The following IRX4 variants were observed in gnomAD, a reference collection of about 807,000 sequenced individuals.
IRX4 encodes the protein iroquois-class homeodomain protein IRX-4.
Under a neutral mutation model 32.0 loss-of-function variants are expected in IRX4, and 22 were observed. The observed-to-expected ratio is 0.69, with a 90% CI of 0.49 to 0.98. IRX4 has a LOEUF of 0.98. IRX4 is among the 50% of genes least tolerant of loss of function. The probability of loss-of-function intolerance (pLI) is 0.00; values close to 1 mark genes in which losing one functional copy is unlikely to be tolerated. For synonymous variants in IRX4, 379 were observed against 351.7 expected, an observed-to-expected ratio of 1.08 and a Z score of -0.87; for missense variants, 840 against 744.2, an observed-to-expected ratio of 1.13 and a Z score of -1.50.
chr5:1,886,803 G>A (rs1273376257), upstream of IRX4: 1 of 151,982 alleles, frequency 6.6e-6, no homozygotes, highest in Non-Finnish European at 1.5e-5. Context: ...AGCAAACTTT[G>A]TCCCCTTAAG....
At chr5:1,878,892 G>A (rs1256371489) in intron 4 of IRX4, 100 bp from the exon 5 acceptor site, 25 of 1,275,148 alleles carry the variant, frequency 2.0e-5, no homozygotes, top group Admixed American at 8.8e-5. Context: ...CCGACGCTAC[G>A]AAAAGCACTC....
At position 1,877,740 on chromosome 5, in the gene IRX4, T is replaced by TC; in HGVS notation, c.*228dup. ...TGCTCCGAGAGCCTCTCCTTCCGCG[T>TC]CCCAAATTTGGGAATGGCCCGGTCA... On this transcript the variant is annotated 3_prime_UTR_variant, in exon 5 of 5. Transcript: ENST00000231357. 1 of 527,258 alleles carries TC rather than the reference T, an allele frequency of 1.9e-6. No homozygotes were observed. Among genetic ancestry groups the TC allele is most frequent in the Non-Finnish European group, 3.3e-6 (1 of 303,286 alleles). The allele number at this position is 527,258 out of a possible 1,614,324, so 32.7% of individuals were successfully genotyped here.
At position 1,877,846 on chromosome 5, in the gene IRX4, C is replaced by T; in HGVS notation, c.*123G>A. On this transcript the variant is annotated 3_prime_UTR_variant, in exon 5 of 5. Transcript: ENST00000231357. Reference sequence around the variant, plus strand: ...TCCCAGGAGTCCAAGTTCAGAAGCCCCCTCTCCGGTGGGTTGGCGGCTTCG... The same window carrying T: ...TCCCAGGAGTCCAAGTTCAGAAGCCTCCTCTCCGGTGGGTTGGCGGCTTCG... 1 of 892,618 alleles carries T rather than the reference C, an allele frequency of 1.1e-6. No individual in the cohort carries two copies. Among genetic ancestry groups the T allele is most frequent in the Non-Finnish European group, 1.7e-6 (1 of 603,978 alleles). 55.3% of individuals were successfully genotyped at this position (892,618 alleles called of 1,614,324 possible). A position where few individuals can be genotyped will look rare whatever the true frequency, so the allele number is the denominator to read the frequency against.
At chr5:1,881,665 G>A (rs1735444153) in intron 2 of IRX4, 143 bp downstream of exon 2, 1 of 1,031,148 alleles carries the variant, frequency 9.7e-7, no homozygotes, top group South Asian at 1.6e-5. Context: ...TCGGCTGGGA[G>A]GCGCAAAGTT....
Position 1,882,593 on chromosome 5 carries a change from C to T in IRX4, c.45+10G>A. 1 of 1,481,274 alleles carries T rather than the reference C, an allele frequency of 6.8e-7. No homozygotes were observed. The highest frequency in any genetic ancestry group is 8.9e-7 in the Non-Finnish European group (1 of 1,120,870). The allele number at this position is 1,481,274 out of a possible 1,614,324, so 91.8% of individuals were successfully genotyped here. A position where few individuals can be genotyped will look rare whatever the true frequency, so the allele number is the denominator to read the frequency against. On this transcript the variant is annotated intron_variant, in intron 1 of 4. Coordinates refer to ENST00000231357, the MANE Select transcript of IRX4 (RefSeq NM_016358.3). ...CTGCGGTGGCCTGGGCGGGGCGGGG[C>T]TCCGCTTACCTGGGGAGCCGAGGAG...
intron 3 of IRX4, chr5:1,880,280 G>A: frequency 1.4e-6 from 1 of 700,920 alleles, no homozygotes; most frequent in South Asian, 2.0e-5. Flanking sequence ...AATTTGTAGT[G>A]GTTGCATTGA....
upstream of IRX4, chr5:1,884,056 C>G (rs2111455761): frequency 6.6e-6 from 1 of 152,486 alleles, no homozygotes; most frequent in African/African-American, 2.4e-5. Context: ...AGTACCCTCC[C>G]TGGGACCTTG....
intron 3 of IRX4, chr5:1,880,176 C>T: frequency 6.6e-7 from 1 of 1,506,440 alleles, no homozygotes; most frequent in African/African-American, 1.4e-5. Flanking sequence ...ACAGGTAAGC[C>T]CACACCCTGA....
chr5:1,884,783 CA>C (rs1295635296), upstream of IRX4: 2 of 152,238 alleles, frequency 1.3e-5, no homozygotes, highest in Non-Finnish European at 2.9e-5. Flanking sequence ...ATGAATCTCT[CA>C]ACCCCTTTCC....
Position 1,878,471 on chromosome 5 carries a change from A to G in IRX4, c.1058T>C (p.Phe353Ser). Reference protein sequence around the residue: ...GPQVCEAKLGFVPAGASAGLE... With the variant: ...GPQVCEAKLGSVPAGASAGLE... Reference sequence around the variant, plus strand: ...GCCTGCCGACGCCCCCGCCGGCACAAACCCCAGCTTGGCCTCGCAGACCTG... The same window carrying G: ...GCCTGCCGACGCCCCCGCCGGCACAGACCCCAGCTTGGCCTCGCAGACCTG... The change falls in exon 5 of 5, where the codon TTT becomes TCT. Residue 353 changes from phenylalanine (F) to serine (S), a missense_variant. Phe to Ser is a radical substitution (Grantham distance 155). This residue lies in a region of IRX4 where 585 missense variants were observed against 488.0 expected (regional missense o/e 1.20). Coordinates refer to ENST00000231357, the MANE Select transcript of IRX4 (RefSeq NM_016358.3). 1 of 1,450,806 alleles carries G rather than the reference A, an allele frequency of 6.9e-7. No individual in the cohort carries two copies. The highest frequency in any genetic ancestry group is 9.0e-7 in the Non-Finnish European group (1 of 1,107,642). The allele number at this position is 1,450,806 out of a possible 1,614,324, so 89.9% of individuals were successfully genotyped here.
At chr5:1,883,756 A>T (rs1283145916), upstream of IRX4, among the ~76,000 whole-genome samples, 1 of 151,680 alleles carries the variant, frequency 6.6e-6, no homozygotes, top group African/African-American at 2.4e-5. Flanking sequence ...TTCCTCCCCG[A>T]TCCCCTTTCC....
chr5:1,880,044 G>A, intron 3 of IRX4: 1 of 1,531,060 alleles, frequency 6.5e-7, no homozygotes, highest in Non-Finnish European at 8.7e-7. Context: ...AAAGGGCAAA[G>A]ATTATATTTG....
At chr5:1,882,943 A>C (rs1000847638), upstream of IRX4, among the ~76,000 whole-genome samples, 4 of 151,658 alleles carry the variant, frequency 2.6e-5, no homozygotes, top group Admixed American at 1.3e-4. Context: ...AAAAAAAAAA[A>C]AACGAGTCGC....
chr5:1,878,289 G>A lies in IRX4; in HGVS notation c.1240C>T (p.Pro414Ser), dbSNP rs762755625. 3 of 1,589,478 alleles carry A rather than the reference G, an allele frequency of 1.9e-6. No individual in the cohort carries two copies. Among genetic ancestry groups the A allele is most frequent in the African/African-American group, 2.7e-5 (2 of 74,526 alleles). ...CCAGAGTGGGGAAGGGCCACAGACG[G>A]GGACGTGGCGGGCGCGGAGGACACA... ...AAVSSAPATS[P>S]SVALPHSGAL... The change falls in exon 5 of 5, where the codon CCG (proline) becomes TCG (serine). Residue 414 changes from proline to serine, a missense_variant. Physicochemically the swap from Pro to Ser is moderately conservative, Grantham distance 74. Coordinates refer to ENST00000231357, the MANE Select transcript of IRX4 (RefSeq NM_016358.3).
chr5:1,885,022 G>T (rs1735583646), upstream of IRX4, among the ~76,000 whole-genome samples: 1 of 152,228 alleles, frequency 6.6e-6, no homozygotes, highest in African/African-American at 2.4e-5. Flanking sequence ...CCAGAGGGGA[G>T]GCATTCAGCT....
At chr5:1,879,288 G>C (rs1303751155) in intron 4 of IRX4, among the ~76,000 whole-genome samples, 4 of 152,204 alleles carry the variant, frequency 2.6e-5, no homozygotes, top group Non-Finnish European at 5.9e-5. Flanking sequence ...ACCGCGCCCG[G>C]CCTACTATTT....
rs1420059343 is a variant in IRX4 at position 1,879,730 on chromosome 5, G to C, written c.510C>G (p.Pro170=). The C allele has an allele frequency of 1.9e-6, 3 of 1,614,258 alleles. No homozygotes were observed. Among genetic ancestry groups the C allele is most frequent in the Non-Finnish European group, 1.7e-6 (2 of 1,180,042 alleles). The change falls in exon 4 of 5, where the codon CCC becomes CCG. Residue 170 remains proline, a synonymous_variant. Transcript: ENST00000231357. ...CCAGCATGATCTTCTCGCCCTTGGTGGGGTAGGGGTTCTTGCGGTGCTCCT... is the reference window on the plus strand; with the variant it reads ...CCAGCATGATCTTCTCGCCCTTGGTCGGGTAGGGGTTCTTGCGGTGCTCCT... ...WLQEHRKNPY[P]TKGEKIMLAI...
upstream of IRX4, among the ~76,000 whole-genome samples, chr5:1,886,668 CG>C (rs1735641323): frequency 1.3e-5 from 2 of 152,088 alleles, no homozygotes. Context: ...GAGCGCCGTC[CG>C]GGCGTCCAGG....
At position 1,879,529 on chromosome 5, in the gene IRX4, C is replaced by G. The variant is rs377406298; in HGVS notation, c.711G>C (p.Glu237Asp). The change falls in exon 4 of 5, where the codon GAG becomes GAC. Residue 237 changes from glutamate (E) to aspartate (D), a missense_variant. By Grantham distance (45) the Glu-to-Asp change is conservative. Coordinates refer to ENST00000231357, the MANE Select transcript of IRX4 (RefSeq NM_016358.3). ...EEGGEEEARE[E>D]PLKSSKNAEP... ...CTGCGTTCTTGGAGCTCTTGAGGGG[C>G]TCCTCCCGCGCCTCCTCCTCGCCCC... 1 of 1,613,320 alleles carries G rather than the reference C, an allele frequency of 6.2e-7. No individual in the cohort carries two copies. Among genetic ancestry groups the G allele is most frequent in the Non-Finnish European group, 8.5e-7 (1 of 1,180,024 alleles).
Sources: gnomAD v4.1 joint callset for allele counts (sites outside exome capture counted in the v4.1 genomes callset) on GRCh38, gnomAD v4.1.1 for gene constraint, gnomAD v4.1.1 regional missense constraint, MANE v1.5 for transcripts, NCBI Gene and HGNC (gene_info 2026-07-23, HGNC 2026-07-21) for gene names.